The following DYNC2I1 variants were observed in gnomAD, a reference collection of about 807,000 sequenced individuals.
DYNC2I1 encodes dynein 2 intermediate chain 1.
A neutral mutation model predicts 133.4 loss-of-function variants in DYNC2I1; 89 were observed. That is an observed-to-expected ratio of 0.67 (90% CI 0.56 to 0.80). The LOEUF is 0.80. DYNC2I1 is among the 30% of genes least tolerant of loss of function. The probability of loss-of-function intolerance (pLI) is 0.00; values close to 1 mark genes in which losing one functional copy is unlikely to be tolerated. For synonymous variants in DYNC2I1, 504 were observed against 484.3 expected (o/e 1.04, Z -0.54); for missense variants, 1,291 against 1,314.5 (o/e 0.98, Z 0.28).
chr7:158,939,652 A>G (rs189479189), intron 23 of DYNC2I1, among the ~76,000 whole-genome samples: 46 of 152,270 alleles, frequency 3.0e-4, no homozygotes, highest in African/African-American at 1.1e-3. Flanking sequence ...AATGGTCTCA[A>G]TTCTCCAATT....
intron 16 of DYNC2I1, among the ~76,000 whole-genome samples, 168 bp from the exon 17 acceptor site, chr7:158,923,403 A>C (rs1350871690): frequency 6.6e-6 from 1 of 152,132 alleles, no homozygotes; most frequent in Non-Finnish European, 1.5e-5. Flanking sequence ...GAACCTGACA[A>C]GCCACCTTTT....
intron 20 of DYNC2I1, 110 bp from the exon 21 acceptor site, chr7:158,930,345 T>C (rs991658870): frequency 3.1e-6 from 3 of 966,592 alleles, no homozygotes; most frequent in Non-Finnish European, 4.9e-6. Context: ...TTTGATGTTA[T>C]TTCCTAACAC....
chr7:158,911,462 T>G, intron 11 of DYNC2I1, 88 bp from the exon 12 acceptor site: 3 of 1,420,496 alleles, frequency 2.1e-6, no homozygotes, highest in Non-Finnish European at 2.8e-6. Context: ...AACATGCATT[T>G]AACTCTAAGT....
At chr7:158,918,410 G>C (rs1334407809) in intron 14 of DYNC2I1, among the ~76,000 whole-genome samples, 1 of 152,098 alleles carries the variant, frequency 6.6e-6, no homozygotes, top group African/African-American at 2.4e-5. Flanking sequence ...GACTCGGTGG[G>C]TTCATGACTG....
At chr7:158,864,095 AGAGGGACGTCCTTAGCTCCGGGT>A (rs1842179513) in intron 1 of DYNC2I1, among the ~76,000 whole-genome samples, 3 of 36,600 alleles carry the variant, frequency 8.2e-5, no homozygotes, top group African/African-American at 3.9e-4. Flanking sequence ...GTGTGGGGGG[AGAGGGACGTCCTTAGCTCCGGGT>A]GTGGGGGGGG....
chr7:158,905,477 T>A (rs1846701883), intron 10 of DYNC2I1, among the ~76,000 whole-genome samples: 1 of 152,190 alleles, frequency 6.6e-6, no homozygotes, highest in Non-Finnish European at 1.5e-5. Context: ...ACCTTTTCCA[T>A]CAGCCTGACA....
intron 1 of DYNC2I1, among the ~76,000 whole-genome samples, chr7:158,864,357 G>C (rs1248598672): frequency 2.6e-5 from 4 of 152,140 alleles, no homozygotes; most frequent in Non-Finnish European, 4.4e-5. Context: ...CTGTCATGTG[G>C]GGACTCAGGC....
intron 20 of DYNC2I1, among the ~76,000 whole-genome samples, chr7:158,930,084 C>T (rs549242910): frequency 3.9e-4 from 60 of 152,298 alleles, no homozygotes; most frequent in Non-Finnish European, 7.3e-4. Flanking sequence ...GTTGGAGCCT[C>T]GGTGGACATT....
At chr7:158,863,788 G>A (rs1265441429) in intron 1 of DYNC2I1, among the ~76,000 whole-genome samples, 1 of 125,304 alleles carries the variant, frequency 8.0e-6, no homozygotes, top group African/African-American at 3.0e-5. Flanking sequence ...GTGGGGGCGG[G>A]GGGGAGCGGG....
intron 7 of DYNC2I1, among the ~76,000 whole-genome samples, chr7:158,889,956 A>C (rs1378848444): frequency 1.4e-5 from 2 of 144,914 alleles, no homozygotes; most frequent in Non-Finnish European, 3.0e-5. Context: ...CAGTGAGCCG[A>C]GATCGTGTCA....
downstream of DYNC2I1, among the ~76,000 whole-genome samples, chr7:158,957,103 C>T (rs1018914336): frequency 2.6e-5 from 4 of 152,262 alleles, no homozygotes; most frequent in African/African-American, 9.6e-5. Flanking sequence ...CCACCTTGCT[C>T]TCCACGACTT....
intron 8 of DYNC2I1, among the ~76,000 whole-genome samples, chr7:158,896,144 T>G (rs1437905650): frequency 6.6e-6 from 1 of 152,092 alleles, no homozygotes; most frequent in East Asian, 1.9e-4. Flanking sequence ...TGACACGGAG[T>G]GGTGAGATGA....
intron 4 of DYNC2I1, among the ~76,000 whole-genome samples, chr7:158,954,575 G>A (rs963742320): frequency 6.6e-6 from 1 of 152,240 alleles, no homozygotes; most frequent in Non-Finnish European, 1.5e-5. Flanking sequence ...TTGAGCCCAG[G>A]AGGTGGAGCT....
chr7:158,841,467 C>T, the DYNC2I1 span, among the ~76,000 whole-genome samples: 1 of 151,994 alleles, frequency 6.6e-6, no homozygotes, highest in Non-Finnish European at 1.5e-5. Context: ...CCTGCCTCAG[C>T]CTTCCAAAGC....
chr7:158,854,771 G>T (rs1841133608), upstream of DYNC2I1, among the ~76,000 whole-genome samples: 1 of 152,234 alleles, frequency 6.6e-6, no homozygotes, highest in Non-Finnish European at 1.5e-5. Flanking sequence ...AGTCAGGTTA[G>T]ATCTCTTTCA....
downstream of DYNC2I1, among the ~76,000 whole-genome samples, chr7:158,948,936 A>G (rs952867328): frequency 3.9e-5 from 6 of 152,226 alleles, no homozygotes; most frequent in Non-Finnish European, 7.3e-5. Flanking sequence ...GAAGACGCAA[A>G]GAGGAGACAC....
At chr7:158,868,466 C>T (rs2129477121) in intron 1 of DYNC2I1, among the ~76,000 whole-genome samples, 1 of 152,354 alleles carries the variant, frequency 6.6e-6, no homozygotes, top group Admixed American at 6.5e-5. Flanking sequence ...GAGGAACAAA[C>T]ACTTTCGCAG....
At chr7:158,859,585 C>A (rs546226871) in intron 1 of DYNC2I1, among the ~76,000 whole-genome samples, 3 of 152,138 alleles carry the variant, frequency 2.0e-5, no homozygotes, top group Non-Finnish European at 4.4e-5. Context: ...TCACTGCAAC[C>A]GCCACCTCCC....
chr7:158,953,366 C>T (rs1043359515), intron 4 of DYNC2I1, among the ~76,000 whole-genome samples: 2 of 152,216 alleles, frequency 1.3e-5, no homozygotes, highest in African/African-American at 4.8e-5. Context: ...AGTCACTTGG[C>T]TTATTTTACT....
Sources: allele counts gnomAD v4.1 joint callset (sites outside exome capture counted in the v4.1 genomes callset), GRCh38; gene constraint gnomAD v4.1.1; transcripts MANE v1.5; gene names NCBI Gene and HGNC (gene_info 2026-07-23, HGNC 2026-07-21).